The following WDFY4 variants were observed in gnomAD, a reference collection of about 807,000 sequenced individuals.
WDFY4 encodes the protein WDFY family member 4, also known as WD repeat- and FYVE domain-containing protein 4.
In WDFY4, 169 loss-of-function variants were observed where a neutral mutation model predicts 351.9. The ratio of observed to expected loss-of-function variants is 0.48; its 90% CI spans 0.42 to 0.55. The LOEUF (loss-of-function observed/expected upper bound fraction) is 0.55, where lower values mean the gene tolerates loss of function less well. WDFY4 is among the 20% of genes least tolerant of loss of function. The probability of loss-of-function intolerance (pLI) is 0.00; values close to 1 mark genes in which losing one functional copy is unlikely to be tolerated. For missense variants in WDFY4, 3,803 were observed against 3,935.6 expected (o/e 0.97, Z 0.90); for synonymous variants, 1,622 against 1,574.6 (o/e 1.03, Z -0.71).
chr10:48,746,176 A>T (rs1233918268), intron 12 of WDFY4: 1 of 152,382 alleles, frequency 6.6e-6, no homozygotes, highest in African/African-American at 2.4e-5. Context: ...ATTGAGAACG[A>T]TGCATTCAAA....
At chr10:48,790,492 C>G (rs1339780382) in intron 22 of WDFY4, among the ~76,000 whole-genome samples, 1 of 152,204 alleles carries the variant, frequency 6.6e-6, no homozygotes, top group African/African-American at 2.4e-5. Flanking sequence ...CTGAAATACT[C>G]TGGGCTGTTC....
In WDFY4 at chr10:48,723,579, G is replaced by A. The variant is rs1324031613; in HGVS notation, c.591+12G>A. On this transcript the variant is annotated intron_variant, in intron 5 of 61. Coordinates refer to ENST00000325239, the MANE Select transcript of WDFY4 (RefSeq NM_001394531.1). Reference sequence around the variant, plus strand: ...AGATGTTCGTGCAGGTGAGTTCAAGGAGGGCCTCCAATTCCCTGGGTCAAA... The same window carrying A: ...AGATGTTCGTGCAGGTGAGTTCAAGAAGGGCCTCCAATTCCCTGGGTCAAA... The A allele has an allele frequency of 6.4e-7, 1 of 1,551,572 alleles. No individual in the cohort carries two copies. The highest frequency in any genetic ancestry group is 8.7e-7 in the Non-Finnish European group (1 of 1,146,974).
chr10:48,958,643 G>A (rs1841720135), intron 52 of WDFY4, among the ~76,000 whole-genome samples: 1 of 152,148 alleles, frequency 6.6e-6, no homozygotes, highest in Non-Finnish European at 1.5e-5. Flanking sequence ...GGGTCTCCTG[G>A]GATGGCATGT....
intron 10 of WDFY4, 149 bp downstream of exon 10, chr10:48,734,184 C>G (rs2064565910): frequency 1.5e-6 from 1 of 664,680 alleles, no homozygotes; most frequent in Non-Finnish European, 2.6e-6. Context: ...GGCCGATGTT[C>G]AGTGATCATC....
chr10:48,702,346 C>A (rs771174587), intron 1 of WDFY4, among the ~76,000 whole-genome samples: 4 of 152,182 alleles, frequency 2.6e-5, no homozygotes, highest in Non-Finnish European at 2.9e-5. Context: ...AGAAACAGGA[C>A]ATTTCTATCC....
In WDFY4 at chr10:48,790,799, G is replaced by C. The variant is rs972215296; in HGVS notation, c.4139G>C (p.Gly1380Ala). ...DFIGGPAILLGLISLATDDHT... is the reference protein window; with the variant it reads ...DFIGGPAILLALISLATDDHT... ...ATTGGCGGGCCTGCCATCCTCCTGG[G>C]CCTCATCTCCTTAGCGACAGATGAC... The change falls in exon 23 of 62, where the codon GGC becomes GCC. Residue 1380 changes from glycine to alanine, a missense_variant. Physicochemically the swap from Gly to Ala is moderately conservative, Grantham distance 60. Around this residue, in one of 3 missense-constraint regions of WDFY4, gnomAD observed 3,054 missense variants for 3,148.6 expected, o/e 0.97. Coordinates refer to ENST00000325239, the MANE Select transcript of WDFY4 (RefSeq NM_001394531.1). 4 of 1,551,636 alleles carry C rather than the reference G, an allele frequency of 2.6e-6. No homozygotes were observed. In the African/African-American group the frequency reaches 4.1e-5, roughly 16 times the overall value.
At position 48,743,017 on chromosome 10, in the gene WDFY4, T is replaced by C. The variant is rs1212877641; in HGVS notation, c.1928T>C (p.Val643Ala). ...CCCAAGGGTCGTGCTGCCTTCAGAGTCTCCAGCGGGTTCAACGGGCTGCTG... is the reference window on the plus strand; with the variant it reads ...CCCAAGGGTCGTGCTGCCTTCAGAGCCTCCAGCGGGTTCAACGGGCTGCTG... ...VTPKGRAAFR[V>A]SSGFNGLLSL... The change falls in exon 12 of 62, where the codon GTC (valine) becomes GCC (alanine). Residue 643 changes from valine (V) to alanine (A), a missense_variant. Transcript: ENST00000325239. 4 of 1,551,206 alleles carry C rather than the reference T, an allele frequency of 2.6e-6. No individual in the cohort carries two copies. The South Asian group carries it at 3.6e-5, about 14-fold the overall frequency.
At chr10:48,864,261 T>A (rs576430756) in intron 39 of WDFY4, among the ~76,000 whole-genome samples, 63 of 152,366 alleles carry the variant, frequency 4.1e-4, no homozygotes, top group Non-Finnish European at 7.5e-4. Flanking sequence ...AATTTTTGTA[T>A]GTTATGCAGT....
At chr10:48,825,799 G>A (rs1359515100) in intron 35 of WDFY4, among the ~76,000 whole-genome samples, 3 of 151,870 alleles carry the variant, frequency 2.0e-5, no homozygotes, top group East Asian at 1.9e-4. Context: ...ATTTTTAATG[G>A]GGTCGTTTGG....
At chr10:48,978,527 G>A (rs1330435907) in intron 60 of WDFY4, 134 bp downstream of exon 60, 14 of 778,198 alleles carry the variant, frequency 1.8e-5, no homozygotes, top group Non-Finnish European at 2.7e-5. Flanking sequence ...AAGGCACAGA[G>A]AGGTTCAGTG....
At chr10:48,891,176 T>A (rs1190435406) in intron 44 of WDFY4, among the ~76,000 whole-genome samples, 1 of 152,212 alleles carries the variant, frequency 6.6e-6, no homozygotes, top group East Asian at 1.9e-4. Flanking sequence ...GGACAAAATC[T>A]TCAGGGTTCA....
At position 48,810,342 on chromosome 10, in the gene WDFY4, G is replaced by A. The variant is rs545153550; in HGVS notation, c.4839-188G>A. Among the ~76,000 whole-genome samples, 3 of 152,262 alleles carry A rather than the reference G, an allele frequency of 2.0e-5. No homozygotes were observed. The South Asian group carries it at 6.2e-4, about 32-fold the overall frequency. The stretch of plus-strand genomic sequence containing the variant: ...ACACTGCAACCATTAATAGACAAAT[G>A]CATCATTTGCACAACAATCTTGCCA... On this transcript the variant is annotated intron_variant, in intron 28 of 61. Coordinates refer to ENST00000325239, the MANE Select transcript of WDFY4 (RefSeq NM_001394531.1).
intron 10 of WDFY4, 132 bp downstream of exon 10, chr10:48,734,167 C>T: frequency 8.1e-6 from 6 of 737,448 alleles, no homozygotes; most frequent in Non-Finnish European, 1.3e-5. Flanking sequence ...GCTAATGATC[C>T]TCTCTTGGCC....
chr10:48,823,200 G>A (rs1448112440), intron 35 of WDFY4: 1 of 1,302,998 alleles, frequency 7.7e-7, no homozygotes, highest in Non-Finnish European at 1.0e-6. Context: ...CCCATTACAA[G>A]CTAGAGACTT....
At chr10:48,948,485 C>T (rs1841165082) in intron 51 of WDFY4, among the ~76,000 whole-genome samples, 1 of 152,176 alleles carries the variant, frequency 6.6e-6, no homozygotes, top group Non-Finnish European at 1.5e-5. Context: ...TTTCCTGTTG[C>T]CCCTTCAGGA....
intron 11 of WDFY4, among the ~76,000 whole-genome samples, chr10:48,742,166 A>T (rs1172290706): frequency 6.6e-6 from 1 of 152,192 alleles, no homozygotes; most frequent in African/African-American, 2.4e-5. Context: ...AGAAGGAAAT[A>T]AAAGCTTGGC....
chr10:48,696,500 C>T (rs2063334605), intron 1 of WDFY4, among the ~76,000 whole-genome samples: 1 of 152,274 alleles, frequency 6.6e-6, no homozygotes, highest in African/African-American at 2.4e-5. Context: ...CACTGTCTGG[C>T]CATGCTCAGG....
intron 2 of WDFY4, among the ~76,000 whole-genome samples, chr10:48,717,362 A>T (rs1348381524): frequency 6.6e-6 from 1 of 152,238 alleles, no homozygotes; most frequent in Non-Finnish European, 1.5e-5. Flanking sequence ...AAAAATTTAC[A>T]TAAGCAAATG....
intron 8 of WDFY4, among the ~76,000 whole-genome samples, chr10:48,730,676 C>T (rs1323429961): frequency 3.3e-5 from 5 of 152,128 alleles, no homozygotes; most frequent in South Asian, 2.1e-4. Flanking sequence ...ATGCAATGCA[C>T]GTTATATCAT....
Sources: allele counts gnomAD v4.1 joint callset (sites outside exome capture counted in the v4.1 genomes callset), GRCh38; gene constraint gnomAD v4.1.1; regional missense constraint gnomAD v4.1.1; transcripts MANE v1.5; gene names NCBI Gene and HGNC (gene_info 2026-07-23, HGNC 2026-07-21).